Variants in SPON1 observed in about 807,000 individuals in gnomAD.
SPON1 encodes spondin-1.
Under a neutral mutation model 111.7 loss-of-function variants are expected in SPON1, and 52 were observed. The ratio of observed to expected loss-of-function variants is 0.47; its 90% CI spans 0.37 to 0.59. SPON1 has a LOEUF of 0.59. Ranked by LOEUF, SPON1 falls within the 20% of genes least tolerant of loss-of-function variation. The probability of loss-of-function intolerance (pLI) is 0.00; values close to 1 mark genes in which losing one functional copy is unlikely to be tolerated. For synonymous variants in SPON1, 410 were observed against 395.8 expected (o/e 1.04, Z -0.43); for missense variants, 957 against 1,068.5 (o/e 0.90, Z 1.46).
intron 6 of SPON1, among the ~76,000 whole-genome samples, chr11:14,154,144 A>G (rs74948298): frequency 1.3e-5 from 2 of 152,158 alleles, no homozygotes; most frequent in Admixed American, 1.3e-4. Context: ...TAGATCTACC[A>G]TTCTGGGGTC....
Position 14,127,319 on chromosome 11 carries a change from C to T in SPON1, c.677-8101C>T, listed in dbSNP as rs138871527. ...TGACCTCCGAAAAAAAAAAAAAAAC[C>T]CAGTTTTAACTACTTTACCAAAATG... On this transcript the variant is annotated intron_variant, in intron 5 of 15. Coordinates refer to ENST00000576479, the MANE Select transcript of SPON1 (RefSeq NM_006108.4). 2.6e-3 allele frequency among the ~76,000 whole-genome samples: 387 copies of T among 148,244 alleles called. 3 individuals are homozygous for T. The highest frequency in any genetic ancestry group is 8.8e-3 in the African/African-American group (350 of 39,930).
rs185129060 is a variant in SPON1, at chr11:14,117,395, G to T, written c.677-18025G>T. 3.3e-5 allele frequency among the ~76,000 whole-genome samples: 5 copies of T among 152,220 alleles called. No homozygotes were observed. The East Asian group carries it at 9.6e-4, about 29-fold the overall frequency. Reference sequence around the variant, plus strand: ...TGCTGATATGTTTTCTTATGTGAATGTATATCAAATATAATCAGATACTTT... The same window carrying T: ...TGCTGATATGTTTTCTTATGTGAATTTATATCAAATATAATCAGATACTTT... On this transcript the variant is annotated intron_variant, in intron 5 of 15. Coordinates refer to ENST00000576479, the MANE Select transcript of SPON1 (RefSeq NM_006108.4).
At chr11:14,028,639 C>T (rs1455512515) in intron 2 of SPON1, among the ~76,000 whole-genome samples, 1 of 152,138 alleles carries the variant, frequency 6.6e-6, no homozygotes, top group Non-Finnish European at 1.5e-5. Context: ...CAAGATGCCA[C>T]CAGGGCCCAT....
chr11:14,196,359 G>C (rs1187471802), intron 6 of SPON1, among the ~76,000 whole-genome samples: 3 of 152,174 alleles, frequency 2.0e-5, no homozygotes, highest in Non-Finnish European at 2.9e-5. Flanking sequence ...ATGGATGGGT[G>C]TTTTGGTGGG....
chr11:14,165,602 A>C (rs1019034720), intron 6 of SPON1, among the ~76,000 whole-genome samples: 12 of 152,230 alleles, frequency 7.9e-5, no homozygotes, highest in Non-Finnish European at 2.9e-5. Flanking sequence ...TTTTAAAAGC[A>C]AAGATCTGAA....
chr11:14,163,405 T>C (rs928027055), intron 6 of SPON1, among the ~76,000 whole-genome samples: 61 of 152,278 alleles, frequency 4.0e-4, no homozygotes, highest in African/African-American at 1.4e-3. Flanking sequence ...TGGGGGCTGG[T>C]GGTGGGCTCC....
chr11:14,144,878 G>T (rs1156874292), intron 6 of SPON1, among the ~76,000 whole-genome samples: 2 of 151,646 alleles, frequency 1.3e-5, no homozygotes, highest in Non-Finnish European at 2.9e-5. Context: ...GTTTTTTTAG[G>T]TGTGTCACCC....
At chr11:14,034,578 C>T (rs7951863) in intron 2 of SPON1, among the ~76,000 whole-genome samples, 1,694 of 152,286 alleles carry the variant, frequency 0.011, 25 homozygotes, top group African/African-American at 0.039. Context: ...GATAAACAAC[C>T]GTATTTACCT....
intron 15 of SPON1, among the ~76,000 whole-genome samples, chr11:14,263,604 G>A (rs564373194): frequency 1.1e-4 from 16 of 152,234 alleles, no homozygotes; most frequent in African/African-American, 3.1e-4. Context: ...ATAACTAATA[G>A]AACAATGCAC....
At chr11:13,968,074 A>G (rs1300167556) in intron 1 of SPON1, among the ~76,000 whole-genome samples, 4 of 152,274 alleles carry the variant, frequency 2.6e-5, no homozygotes, top group South Asian at 2.1e-4. Flanking sequence ...GTTTACCACT[A>G]TGGGCTGGTA....
At chr11:14,075,696 G>A (rs1475846905) in intron 4 of SPON1, among the ~76,000 whole-genome samples, 2 of 152,240 alleles carry the variant, frequency 1.3e-5, no homozygotes, top group East Asian at 1.9e-4. Context: ...ATTCTGAAGA[G>A]GTTCCTTGGA....
intron 5 of SPON1, among the ~76,000 whole-genome samples, chr11:14,097,574 C>T (rs1849111370): frequency 6.6e-6 from 1 of 152,118 alleles, no homozygotes; most frequent in Non-Finnish European, 1.5e-5. Context: ...AATAGTTTTA[C>T]CTAATATTCC....
chr11:14,081,903 G>A (rs1848965319), intron 5 of SPON1, among the ~76,000 whole-genome samples: 1 of 152,122 alleles, frequency 6.6e-6, no homozygotes, highest in Non-Finnish European at 1.5e-5. Flanking sequence ...ATCAAGGCTT[G>A]GGATCTTAGA....
In SPON1 at chr11:14,149,135, G is replaced by C. The variant is rs371177740; in HGVS notation, c.825+13567G>C. Among the ~76,000 whole-genome samples, 24 of 152,154 alleles carry C rather than the reference G, an allele frequency of 1.6e-4. No individual in the cohort carries two copies. The East Asian group carries it at 2.5e-3, about 16-fold the overall frequency. ...GCAAGTCCTTCACAGGTATTCCAAAGGAAGGCATTGTTATCCTAGAAGCTG... is the reference window on the plus strand; with the variant it reads ...GCAAGTCCTTCACAGGTATTCCAAACGAAGGCATTGTTATCCTAGAAGCTG... On this transcript the variant is annotated intron_variant, in intron 6 of 15. Transcript: ENST00000576479.
chr11:14,069,547 T>C (rs1554920678), intron 3 of SPON1, among the ~76,000 whole-genome samples: 1 of 152,120 alleles, frequency 6.6e-6, no homozygotes, highest in Non-Finnish European at 1.5e-5. Context: ...CATTATCATG[T>C]TCCACATTGA....
intron 4 of SPON1, among the ~76,000 whole-genome samples, chr11:14,078,160 A>G: frequency 6.6e-6 from 1 of 152,174 alleles, no homozygotes; most frequent in East Asian, 1.9e-4. Flanking sequence ...GTCTGTTTTT[A>G]TTTTCAAACT....
chr11:14,191,751 G>T (rs191720424), intron 6 of SPON1, among the ~76,000 whole-genome samples: 3 of 152,314 alleles, frequency 2.0e-5, no homozygotes, highest in Non-Finnish European at 4.4e-5. Flanking sequence ...GAAACAGCTG[G>T]AAATCTACTT....
At chr11:14,200,644 T>C (rs1415826030) in intron 6 of SPON1, among the ~76,000 whole-genome samples, 1 of 151,740 alleles carries the variant, frequency 6.6e-6, no homozygotes, top group African/African-American at 2.4e-5. Flanking sequence ...GGAAACCCCG[T>C]CTCTGCTAAA....
intron 5 of SPON1, among the ~76,000 whole-genome samples, chr11:14,103,532 G>T (rs1328399903): frequency 6.6e-6 from 1 of 152,194 alleles, no homozygotes; most frequent in Non-Finnish European, 1.5e-5. Context: ...CCACCACTGG[G>T]CCAGAGGAAA....
Sources: gnomAD v4.1 joint callset for allele counts (sites outside exome capture counted in the v4.1 genomes callset) on GRCh38, gnomAD v4.1.1 for gene constraint, MANE v1.5 for transcripts, NCBI Gene and HGNC (gene_info 2026-07-23, HGNC 2026-07-21) for gene names.